Variants in SPRED1 observed in about 807,000 individuals in gnomAD.
The protein encoded by SPRED1 is sprouty-related, EVH1 domain-containing protein 1.
SPRED1 carries 18 observed loss-of-function variants against 52.3 expected under a neutral mutation model. The observed-to-expected ratio is 0.34, with a 90% CI of 0.24 to 0.51. SPRED1 has a LOEUF of 0.51. Ranked by LOEUF, SPRED1 falls within the 20% of genes least tolerant of loss-of-function variation. SPRED1 has a pLI of 0.97. For synonymous variants in SPRED1, 155 were observed against 179.7 expected, an observed-to-expected ratio of 0.86 and a Z score of 1.10; for missense variants, 485 against 551.0, an observed-to-expected ratio of 0.88 and a Z score of 1.20.
chr15:38,317,935 CAA>C (rs1426096885), intron 2 of SPRED1, among the ~76,000 whole-genome samples: 1 of 151,066 alleles, frequency 6.6e-6, no homozygotes. Flanking sequence ...GTACATTTTA[CAA>C]AATGCTACTT....
chr15:38,272,181 T>G (rs1425926989), intron 1 of SPRED1, among the ~76,000 whole-genome samples: 1 of 152,156 alleles, frequency 6.6e-6, no homozygotes, highest in Non-Finnish European at 1.5e-5. Flanking sequence ...ATGTCTTTGC[T>G]TCAGTGATCA....
At chr15:38,319,076 TA>T (rs1251591626) in intron 2 of SPRED1, among the ~76,000 whole-genome samples, 1 of 89,174 alleles carries the variant, frequency 1.1e-5, no homozygotes. Flanking sequence ...TTTCATGTAT[TA>T]AAAATTAATT....
At chr15:38,327,023 C>G (rs1274445774) in intron 4 of SPRED1, among the ~76,000 whole-genome samples, 1 of 152,186 alleles carries the variant, frequency 6.6e-6, no homozygotes, top group East Asian at 1.9e-4. Context: ...CAGTTACCCT[C>G]TGCCTGTCCT....
chr15:38,259,950 A>G (rs991319498), intron 1 of SPRED1, among the ~76,000 whole-genome samples: 2 of 152,224 alleles, frequency 1.3e-5, no homozygotes, highest in African/African-American at 4.8e-5. Context: ...ATGTTGCTGT[A>G]GACAAAGCAT....
chr15:38,328,194 A>T (rs1895743647), intron 4 of SPRED1, among the ~76,000 whole-genome samples: 1 of 152,210 alleles, frequency 6.6e-6, no homozygotes, highest in Non-Finnish European at 1.5e-5. Flanking sequence ...TGCAAAGACA[A>T]CTAATATAGT....
intron 1 of SPRED1, among the ~76,000 whole-genome samples, chr15:38,291,822 G>T (rs989929779): frequency 2.6e-5 from 4 of 152,206 alleles, no homozygotes; most frequent in African/African-American, 4.8e-5. Flanking sequence ...GGGCCTCTGG[G>T]CCTGTGATGG....
intron 1 of SPRED1, among the ~76,000 whole-genome samples, chr15:38,280,152 T>C (rs937317933): frequency 1.3e-5 from 2 of 152,204 alleles, no homozygotes; most frequent in Non-Finnish European, 2.9e-5. Context: ...TGGGAAGTCA[T>C]CTTTTTCTTT....
intron 2 of SPRED1, among the ~76,000 whole-genome samples, chr15:38,313,521 A>T (rs564183436): frequency 3.9e-5 from 6 of 152,036 alleles, no homozygotes; most frequent in Admixed American, 2.6e-4. Flanking sequence ...GAAAAGACAC[A>T]AGTCAGCATG....
chr15:38,309,724 G>GT, intron 2 of SPRED1, among the ~76,000 whole-genome samples: 1 of 152,184 alleles, frequency 6.6e-6, no homozygotes, highest in African/African-American at 2.4e-5. Context: ...TTATATAATA[G>GT]TTTCACCTTT....
chr15:38,279,401 G>C lies in SPRED1; in HGVS notation c.33-19972G>C, dbSNP rs965949089. Among the ~76,000 whole-genome samples the C allele has an allele frequency of 2.0e-5, 3 of 152,164 alleles. No homozygotes were observed. The South Asian group carries it at 6.2e-4, about 31-fold the overall frequency. The stretch of plus-strand genomic sequence containing the variant: ...AATTTAGATTGTTTACTAAAATTTA[G>C]TCTTAAGAGTGGATGCAGAATATTA... On this transcript the variant is annotated intron_variant, in intron 1 of 6. Coordinates refer to ENST00000299084, the MANE Select transcript of SPRED1 (RefSeq NM_152594.3).
chr15:38,348,351 C>G (rs1220574220), intron 5 of SPRED1, among the ~76,000 whole-genome samples: 2 of 151,722 alleles, frequency 1.3e-5, no homozygotes, highest in Non-Finnish European at 2.9e-5. Context: ...CATAGAATGG[C>G]CTCCATATTG....
intron 1 of SPRED1, among the ~76,000 whole-genome samples, chr15:38,257,420 G>C (rs1380846664): frequency 6.6e-6 from 1 of 152,118 alleles, no homozygotes; most frequent in African/African-American, 2.4e-5. Context: ...GGCCGAAAAA[G>C]AGTATGGGAA....
intron 1 of SPRED1, among the ~76,000 whole-genome samples, chr15:38,292,334 A>G (rs557162153): frequency 4.5e-4 from 68 of 152,172 alleles, no homozygotes; most frequent in Middle Eastern, 6.8e-3. Flanking sequence ...AATTGTTCCA[A>G]ACTCTGCCTG....
chr15:38,333,953 G>A (rs1378877321), intron 4 of SPRED1, among the ~76,000 whole-genome samples: 1 of 152,016 alleles, frequency 6.6e-6, no homozygotes, highest in Non-Finnish European at 1.5e-5. Context: ...TTGAATTTTA[G>A]TCTCTTCATA....
At chr15:38,327,031 C>G (rs1348879364) in intron 4 of SPRED1, among the ~76,000 whole-genome samples, 9 of 152,142 alleles carry the variant, frequency 5.9e-5, no homozygotes. Context: ...CTCTGCCTGT[C>G]CTACCATTGT....
chr15:38,274,235 A>G (rs1236621604), intron 1 of SPRED1, among the ~76,000 whole-genome samples: 1 of 152,216 alleles, frequency 6.6e-6, no homozygotes, highest in East Asian at 1.9e-4. Context: ...CCCTTGGTTT[A>G]GAACCAAAAT....
intron 1 of SPRED1, among the ~76,000 whole-genome samples, chr15:38,293,118 T>TTTTTTTTTTTTTTTTTGA (rs1595729912): frequency 6.8e-6 from 1 of 146,082 alleles, no homozygotes; most frequent in African/African-American, 2.5e-5. Flanking sequence ...TTTTTTTTTT[T>TTTTTTTTTTTTTTTTTGA]GAGACGGAGT....
intron 1 of SPRED1, among the ~76,000 whole-genome samples, chr15:38,257,303 T>C (rs1053250748): frequency 1.6e-4 from 24 of 152,212 alleles, no homozygotes; most frequent in African/African-American, 4.6e-4. Flanking sequence ...CAGTGCTTGA[T>C]GGCAAATGCT....
chr15:38,274,967 T>C (rs1272450411), intron 1 of SPRED1, among the ~76,000 whole-genome samples: 2 of 152,270 alleles, frequency 1.3e-5, no homozygotes, highest in African/African-American at 4.8e-5. Flanking sequence ...TGCCAGGTTT[T>C]GTAACTGTTC....
Sources: gnomAD v4.1 joint callset for allele counts (sites outside exome capture counted in the v4.1 genomes callset) on GRCh38, gnomAD v4.1.1 for gene constraint, MANE v1.5 for transcripts, NCBI Gene and HGNC (gene_info 2026-07-23, HGNC 2026-07-21) for gene names.